The following USP32 variants were observed in gnomAD, a reference collection of about 807,000 sequenced individuals.
The protein encoded by USP32 is ubiquitin specific peptidase 32.
In USP32, 59 loss-of-function variants were observed where a neutral mutation model predicts 204.8. That is an observed-to-expected ratio of 0.29 (90% CI 0.23 to 0.36). The LOEUF (loss-of-function observed/expected upper bound fraction) is 0.36. Ranked by LOEUF, USP32 falls within the 10% of genes least tolerant of loss-of-function variation. The probability of loss-of-function intolerance (pLI) is 1.00; values close to 1 mark genes in which losing one functional copy is unlikely to be tolerated. For synonymous variants in USP32, 517 were observed against 678.4 expected (o/e 0.76, Z 3.70); for missense variants, 1,160 against 1,946.4 (o/e 0.60, Z 7.60).
At chr17:60,341,765 G>T (rs1269320140) in intron 2 of USP32, among the ~76,000 whole-genome samples, 1 of 152,036 alleles carries the variant, frequency 6.6e-6, no homozygotes, top group Admixed American at 6.6e-5. Flanking sequence ...GTCATTTAGG[G>T]TCTTCTCTAC....
intron 14 of USP32, among the ~76,000 whole-genome samples, chr17:60,222,958 A>C (rs565950281): frequency 6.7e-4 from 102 of 152,256 alleles, no homozygotes; most frequent in African/African-American, 2.1e-3. Context: ...CTAGGATTAC[A>C]GGCATGAGCC....
intron 1 of USP32, among the ~76,000 whole-genome samples, chr17:60,370,764 CAAAAAA>C: frequency 1.4e-5 from 1 of 72,720 alleles, no homozygotes; most frequent in South Asian, 5.1e-4. Context: ...GCTACTGTCT[CAAAAAA>C]AAAAAAAAAA....
At chr17:60,412,766 C>T (rs765925689) in intron 1 of USP32, among the ~76,000 whole-genome samples, 3 of 151,928 alleles carry the variant, frequency 2.0e-5, no homozygotes, top group Non-Finnish European at 2.9e-5. Flanking sequence ...CATTTTTTTC[C>T]TCTCCAAAAT....
At chr17:60,394,171 T>C (rs896739123), upstream of USP32, among the ~76,000 whole-genome samples, 1 of 152,184 alleles carries the variant, frequency 6.6e-6, no homozygotes, top group Non-Finnish European at 1.5e-5. Flanking sequence ...TTCCAGGTCA[T>C]TAGTTCGGTA....
At chr17:60,237,687 A>G (rs945072925) in intron 11 of USP32, among the ~76,000 whole-genome samples, 1 of 152,186 alleles carries the variant, frequency 6.6e-6, no homozygotes, top group Non-Finnish European at 1.5e-5. Context: ...GATTCAACAT[A>G]TGACCTTTTA....
chr17:60,325,963 ACT>A (rs1227672231), intron 2 of USP32, among the ~76,000 whole-genome samples: 19 of 136,770 alleles, frequency 1.4e-4, no homozygotes, highest in African/African-American at 5.3e-4. Flanking sequence ...ACAGAGTAAG[ACT>A]CTGTCTCAAA....
intron 1 of USP32, among the ~76,000 whole-genome samples, chr17:60,407,225 G>T (rs2089982676): frequency 6.6e-6 from 1 of 152,170 alleles, no homozygotes; most frequent in Non-Finnish European, 1.5e-5. Flanking sequence ...AAGGAAGAAG[G>T]TATGCAAAAA....
chr17:60,292,879 C>T (rs1230317134), intron 4 of USP32, among the ~76,000 whole-genome samples: 1 of 152,056 alleles, frequency 6.6e-6, no homozygotes, highest in African/African-American at 2.4e-5. Context: ...TCACGCTGTC[C>T]TATAGGACAA....
At chr17:60,186,112 A>G (rs1334591012) in intron 29 of USP32, among the ~76,000 whole-genome samples, 1 of 152,236 alleles carries the variant, frequency 6.6e-6, no homozygotes, top group African/African-American at 2.4e-5. Context: ...CAGCACCTAT[A>G]TATTTATTCA....
chr17:60,214,088 C>T (rs568266015), intron 17 of USP32, among the ~76,000 whole-genome samples: 1 of 151,780 alleles, frequency 6.6e-6, no homozygotes, highest in South Asian at 2.1e-4. Context: ...ACTACAGGCT[C>T]CCACCGCCAT....
At chr17:60,388,320 ACAC>A in intron 1 of USP32, among the ~76,000 whole-genome samples, 1 of 152,024 alleles carries the variant, frequency 6.6e-6, no homozygotes, top group South Asian at 2.1e-4. Context: ...ACACACACAC[ACAC>A]ATCGCCTTAT....
intron 31 of USP32, among the ~76,000 whole-genome samples, chr17:60,181,998 A>G (rs566450295): frequency 1.4e-4 from 22 of 152,384 alleles, no homozygotes; most frequent in African/African-American, 5.3e-4. Flanking sequence ...AGAAAATAGC[A>G]GAAAGATGAT....
rs2084420658 is a variant in USP32, at chr17:60,192,860, A to G, written c.3505T>C (p.Trp1169Arg). 1 of 1,613,932 alleles carries G rather than the reference A, an allele frequency of 6.2e-7. No homozygotes were observed. The highest frequency in any genetic ancestry group is 2.2e-5 in the East Asian group (1 of 44,894). Reference protein sequence around the residue: ...VVQKDGNSCAWCPWYRFCRGC... With the variant: ...VVQKDGNSCARCPWYRFCRGC... Reference sequence around the variant, plus strand: ...TCACTTTACCTATACCATGGGCACCAAGCACAGGAGTTCCCATCTTTCTGC... The same window carrying G: ...TCACTTTACCTATACCATGGGCACCGAGCACAGGAGTTCCCATCTTTCTGC... Residue 1169 changes from tryptophan (W) to arginine (R), a missense_variant, in exon 28 of 34, where the codon TGG becomes CGG. Trp to Arg is a moderately radical substitution (Grantham distance 101, BLOSUM62 -3). Around this residue, in one of 8 missense-constraint regions of USP32, gnomAD observed 160 missense variants for 322.5 expected, o/e 0.50. Transcript: ENST00000300896.
chr17:60,288,829 T>C (rs1182101457), intron 4 of USP32, 147 bp from the exon 5 acceptor site: 2 of 630,810 alleles, frequency 3.2e-6, no homozygotes, highest in Non-Finnish European at 5.3e-6. Context: ...GCAGGGTGTA[T>C]ATACATATTT....
intron 2 of USP32, among the ~76,000 whole-genome samples, chr17:60,333,871 A>T (rs2088449554): frequency 1.3e-5 from 2 of 152,222 alleles, no homozygotes; most frequent in South Asian, 4.1e-4. Flanking sequence ...TGCAGACCTC[A>T]ATCTACTTTA....
intron 18 of USP32, among the ~76,000 whole-genome samples, 199 bp downstream of exon 18, chr17:60,213,382 G>A (rs1284919818): frequency 1.3e-5 from 2 of 152,048 alleles, no homozygotes; most frequent in East Asian, 3.9e-4. Context: ...TCCCTTTAAA[G>A]CAATCTAAAT....
At chr17:60,320,822 C>T (rs567535759) in intron 2 of USP32, among the ~76,000 whole-genome samples, 1 of 152,166 alleles carries the variant, frequency 6.6e-6, no homozygotes, top group South Asian at 2.1e-4. Context: ...ACAATGATTA[C>T]CAGAATTCCA....
chr17:60,359,829 A>G (rs1414223076), intron 1 of USP32, among the ~76,000 whole-genome samples: 1 of 152,124 alleles, frequency 6.6e-6, no homozygotes, highest in Non-Finnish European at 1.5e-5. Flanking sequence ...ATAGATAAAT[A>G]AAGAGTTCAT....
chr17:60,203,826 C>T (rs751244653), intron 26 of USP32, among the ~76,000 whole-genome samples: 6 of 152,178 alleles, frequency 3.9e-5, no homozygotes, highest in South Asian at 2.1e-4. Flanking sequence ...CCACCCGCTT[C>T]GGCCTCCCAA....
Sources: gnomAD v4.1 joint callset for allele counts (sites outside exome capture counted in the v4.1 genomes callset) on GRCh38, gnomAD v4.1.1 for gene constraint, gnomAD v4.1.1 regional missense constraint, MANE v1.5 for transcripts, NCBI Gene and HGNC (gene_info 2026-07-23, HGNC 2026-07-21) for gene names.